The following DYM variants were observed in gnomAD, a reference collection of about 807,000 sequenced individuals.
DYM encodes dyggve-Melchior-Clausen syndrome protein.
A neutral mutation model predicts 93.1 loss-of-function variants in DYM; 78 were observed. The observed-to-expected ratio is 0.84, with a 90% CI of 0.70 to 1.01. The LOEUF (loss-of-function observed/expected upper bound fraction) is 1.01, where lower values mean the gene tolerates loss of function less well. Among genes scored for constraint, DYM ranks in the 50% least tolerant of loss-of-function variants. The pLI, the probability that DYM is intolerant of heterozygous loss-of-function variation, is 0.00. For missense variants in DYM, 789 were observed against 845.0 expected, an observed-to-expected ratio of 0.93 and a Z score of 0.82; for synonymous variants, 321 against 319.7, an observed-to-expected ratio of 1.00 and a Z score of -0.04.
chr18:49,039,593 C>T lies in DYM; in HGVS notation c.*4462G>A, dbSNP rs2070829722. 6.6e-6 allele frequency among the ~76,000 whole-genome samples: 1 copy of T among 152,046 alleles called. No individual in the cohort carries two copies. The highest frequency in any genetic ancestry group is 2.1e-4 in the South Asian group (1 of 4,824). On this transcript the variant is annotated 3_prime_UTR_variant, in exon 18 of 18. Transcript: ENST00000675505. ...TCTCTTACCCTCTATTCTCCATGTTCTGTTTTTTTTACTATATAATTCCTG... is the reference window on the plus strand; with the variant it reads ...TCTCTTACCCTCTATTCTCCATGTTTTGTTTTTTTTACTATATAATTCCTG...
rs71297073 is a variant in DYM at position 49,317,646 on chromosome 18, C to CTCCTTCCT, written c.763+14210_763+14217dup. Among the ~76,000 whole-genome samples the CTCCTTCCT allele has an allele frequency of 5.7e-3, 209 of 36,594 alleles. 4 individuals are homozygous for CTCCTTCCT. The highest frequency in any genetic ancestry group is 0.018 in the African/African-American group (167 of 9,184). 24.0% of individuals were successfully genotyped at this position (36,594 alleles called of 152,430 possible). Reference sequence around the variant, plus strand: ...CTCCCTCCCTCTCCTATCCTCTCCTCTCCTTCCTTCCTTCCTTCCTTCCTT... The same window carrying CTCCTTCCT: ...CTCCCTCCCTCTCCTATCCTCTCCTCTCCTTCCTTCCTTCCTTCCTTCCTTCCTTCCTT... On this transcript the variant is annotated intron_variant, in intron 8 of 17. Coordinates refer to ENST00000675505, the MANE Select transcript of DYM (RefSeq NM_001353214.3).
At chr18:49,304,296 G>T (rs2061141185) in intron 8 of DYM, among the ~76,000 whole-genome samples, 1 of 152,100 alleles carries the variant, frequency 6.6e-6, no homozygotes, top group Non-Finnish European at 1.5e-5. Flanking sequence ...CACTTCCCTG[G>T]CCAGGAGGCC....
chr18:49,257,667 C>T (rs1281442833), intron 12 of DYM, among the ~76,000 whole-genome samples: 1 of 142,468 alleles, frequency 7.0e-6, no homozygotes. Context: ...GGCAACATAG[C>T]GAGACTTTGG....
chr18:49,341,493 A>C (rs78679698), intron 6 of DYM, among the ~76,000 whole-genome samples: 4 of 8,488 alleles, frequency 4.7e-4, no homozygotes, highest in Admixed American at 1.8e-3. Context: ...CTCCATCGCA[A>C]AAAAAAAAAA....
At chr18:49,201,795 G>A (rs927548310) in intron 14 of DYM, among the ~76,000 whole-genome samples, 1 of 152,154 alleles carries the variant, frequency 6.6e-6, no homozygotes, top group African/African-American at 2.4e-5. Flanking sequence ...TCCTGTTTCA[G>A]ACTACTTCAG....
In DYM at chr18:49,287,999, TCTCA is replaced by T. The variant is rs373758700; in HGVS notation, c.764-1387_764-1384del. On this transcript the variant is annotated intron_variant, in intron 8 of 17. Coordinates refer to ENST00000675505, the MANE Select transcript of DYM (RefSeq NM_001353214.3). Reference sequence around the variant, plus strand: ...AATACCAAAAAAAGAATGTAAATTATCTCACTAATATTTTATGCTAAATACATGT... The same window carrying T: ...AATACCAAAAAAAGAATGTAAATTATCTAATATTTTATGCTAAATACATGT... Among the ~76,000 whole-genome samples, 46 of 152,290 alleles carry T rather than the reference TCTCA, an allele frequency of 3.0e-4. No individual in the cohort carries two copies. The East Asian group carries it at 7.1e-3, about 24-fold the overall frequency.
At chr18:49,421,107 T>G (rs2073646449) in intron 2 of DYM, among the ~76,000 whole-genome samples, 1 of 152,206 alleles carries the variant, frequency 6.6e-6, no homozygotes, top group Admixed American at 6.5e-5. Context: ...CAGAAAGTTC[T>G]GCAGACTTAA....
chr18:49,375,047 A>C (rs1401915680), intron 5 of DYM, among the ~76,000 whole-genome samples: 2 of 152,100 alleles, frequency 1.3e-5, no homozygotes, highest in African/African-American at 4.8e-5. Context: ...CACAGAATCC[A>C]AGAAAGGAAT....
chr18:49,102,221 A>C (rs1007160112), intron 16 of DYM, among the ~76,000 whole-genome samples: 1 of 152,220 alleles, frequency 6.6e-6, no homozygotes, highest in Admixed American at 6.5e-5. Flanking sequence ...TGCGCAAAGC[A>C]CTTTGCGCTG....
At chr18:49,316,533 T>C (rs1452658492) in intron 8 of DYM, among the ~76,000 whole-genome samples, 1 of 152,172 alleles carries the variant, frequency 6.6e-6, no homozygotes, top group Non-Finnish European at 1.5e-5. Flanking sequence ...GCACATAAGA[T>C]GCAATTTAAA....
rs1260156649 is a variant in DYM, at chr18:49,036,703, C to T, written c.*7352G>A. 6.7e-6 allele frequency among the ~76,000 whole-genome samples: 1 copy of T among 149,082 alleles called. No individual in the cohort carries two copies. Among genetic ancestry groups the T allele is most frequent in the African/African-American group, 2.5e-5 (1 of 40,480 alleles). On this transcript the variant is annotated 3_prime_UTR_variant, in exon 18 of 18. Coordinates refer to ENST00000675505, the MANE Select transcript of DYM (RefSeq NM_001353214.3). The stretch of plus-strand genomic sequence containing the variant: ...AGTAGCTGGGACTACAGGCACACAC[C>T]ACCATGCTCAGCTAATTTGTGTGTG...
chr18:49,292,008 AAAC>A (rs1247481782), intron 8 of DYM, among the ~76,000 whole-genome samples: 2 of 152,160 alleles, frequency 1.3e-5, no homozygotes, highest in African/African-American at 4.8e-5. Flanking sequence ...GAGCAATGAG[AAAC>A]ACAATTACAA....
chr18:49,114,024 T>C (rs1056016941), intron 16 of DYM, among the ~76,000 whole-genome samples: 1 of 152,168 alleles, frequency 6.6e-6, no homozygotes, highest in Non-Finnish European at 1.5e-5. Context: ...AAGCCTACTA[T>C]TTCCCTTCTC....
At chr18:49,274,154 A>T (rs576187721) in intron 10 of DYM, among the ~76,000 whole-genome samples, 1 of 151,110 alleles carries the variant, frequency 6.6e-6, no homozygotes, top group African/African-American at 2.4e-5. Flanking sequence ...TTTAACTATC[A>T]CCTCCCCCAG....
At chr18:49,167,184 G>C (rs1159812282) in intron 14 of DYM, among the ~76,000 whole-genome samples, 1 of 152,068 alleles carries the variant, frequency 6.6e-6, no homozygotes. Flanking sequence ...AGAAAGGCTA[G>C]TTTGTTTGTT....
chr18:49,202,512 G>A (rs200347327), intron 14 of DYM, among the ~76,000 whole-genome samples: 1 of 134,944 alleles, frequency 7.4e-6, no homozygotes, highest in African/African-American at 2.8e-5. Context: ...AGTGAGGAGC[G>A]TCTCCGCCCG....
chr18:49,055,322 G>A (rs1402403100), intron 17 of DYM, among the ~76,000 whole-genome samples: 2 of 152,136 alleles, frequency 1.3e-5, no homozygotes, highest in Non-Finnish European at 2.9e-5. Context: ...GCCTAGAGTC[G>A]AGGGGACAGA....
chr18:49,213,989 T>C (rs2092915376), intron 13 of DYM, among the ~76,000 whole-genome samples: 1 of 152,242 alleles, frequency 6.6e-6, no homozygotes, highest in Non-Finnish European at 1.5e-5. Flanking sequence ...TGGTATTTGA[T>C]TTTGACAACA....
At chr18:49,128,882 C>A (rs1037438321) in intron 15 of DYM, among the ~76,000 whole-genome samples, 2 of 152,102 alleles carry the variant, frequency 1.3e-5, no homozygotes, top group African/African-American at 4.8e-5. Context: ...TCAAAATAAT[C>A]ATTCTCCAAC....
Sources: gnomAD v4.1 joint callset for allele counts (sites outside exome capture counted in the v4.1 genomes callset) on GRCh38, gnomAD v4.1.1 for gene constraint, MANE v1.5 for transcripts, NCBI Gene and HGNC (gene_info 2026-07-23, HGNC 2026-07-21) for gene names.